Variants in ASTN2 observed in about 807,000 individuals in gnomAD.
ASTN2 encodes the protein astrotactin-2.
ASTN2 carries 54 observed loss-of-function variants against 139.8 expected under a neutral mutation model. The ratio of observed to expected loss-of-function variants is 0.39; its 90% CI spans 0.31 to 0.48. ASTN2 has a LOEUF of 0.48. Ranked by LOEUF, ASTN2 falls within the 20% of genes least tolerant of loss-of-function variation. ASTN2 has a pLI of 0.95. For synonymous variants in ASTN2, 756 were observed against 719.5 expected, an observed-to-expected ratio of 1.05 and a Z score of -0.81; for missense variants, 1,565 against 1,725.1, an observed-to-expected ratio of 0.91 and a Z score of 1.64.
intron 2 of ASTN2, among the ~76,000 whole-genome samples, chr9:117,282,619 G>T (rs1834352478): frequency 7.4e-6 from 1 of 134,992 alleles, no homozygotes; most frequent in African/African-American, 4.0e-5. Flanking sequence ...CATGTGATGT[G>T]CTTTGGCCGA....
Position 116,677,313 on chromosome 9 carries a change from GA to G in ASTN2, c.2807-25521del, listed in dbSNP as rs997118189. Among the ~76,000 whole-genome samples the G allele has an allele frequency of 6.0e-3, 904 of 149,776 alleles. 12 individuals are homozygous for G. Among genetic ancestry groups the G allele is most frequent in the African/African-American group, 0.021 (870 of 40,878 alleles). ...AGGAGGCACCATAGACCCTGTTTTG[GA>G]AAAAAAAACCTCTGTTTTCTTCATT... On this transcript the variant is annotated intron_variant, in intron 16 of 22. Transcript: ENST00000313400.
At chr9:116,578,770 GA>G (rs59722919) in intron 19 of ASTN2, among the ~76,000 whole-genome samples, 21 of 146,614 alleles carry the variant, frequency 1.4e-4, no homozygotes, top group African/African-American at 2.3e-4. Flanking sequence ...TTTTCAAATG[GA>G]AAAAAAAAAT....
At chr9:117,004,643 C>T (rs1450147789) in intron 7 of ASTN2, among the ~76,000 whole-genome samples, 1 of 152,144 alleles carries the variant, frequency 6.6e-6, no homozygotes, top group African/African-American at 2.4e-5. Context: ...CTACACTGAG[C>T]ACTGAGACCT....
At chr9:116,759,828 G>C (rs956749281) in intron 13 of ASTN2, among the ~76,000 whole-genome samples, 12 of 152,068 alleles carry the variant, frequency 7.9e-5, no homozygotes, top group African/African-American at 2.9e-4. Context: ...AATCTCTCTT[G>C]CTAACTGCTA....
intron 4 of ASTN2, among the ~76,000 whole-genome samples, chr9:117,123,898 C>T (rs1204283370): frequency 6.6e-6 from 1 of 152,162 alleles, no homozygotes; most frequent in Admixed American, 6.5e-5. Context: ...ATATTCTTTC[C>T]TCTCATCTCT....
At chr9:116,798,953 C>T (rs1405873361) in intron 13 of ASTN2, among the ~76,000 whole-genome samples, 1 of 152,018 alleles carries the variant, frequency 6.6e-6, no homozygotes, top group African/African-American at 2.4e-5. Context: ...ACATTCATTT[C>T]CTTTTATTCA....
intron 1 of ASTN2, among the ~76,000 whole-genome samples, chr9:117,354,041 G>A (rs1163282942): frequency 6.6e-6 from 1 of 152,114 alleles, no homozygotes; most frequent in Non-Finnish European, 1.5e-5. Context: ...TATGGACTTT[G>A]GGTGACAATG....
At chr9:117,146,424 C>G (rs1266898826) in intron 3 of ASTN2, among the ~76,000 whole-genome samples, 2 of 148,098 alleles carry the variant, frequency 1.4e-5, no homozygotes, top group Non-Finnish European at 3.0e-5. Context: ...GGTCCCCAAG[C>G]CAAGCTAGAG....
intron 16 of ASTN2, among the ~76,000 whole-genome samples, chr9:116,708,903 T>C (rs746854188): frequency 1.5e-4 from 23 of 152,220 alleles, no homozygotes; most frequent in Non-Finnish European, 3.4e-4. Context: ...GAGAGTCCTT[T>C]ACTTAAAGGC....
intron 4 of ASTN2, among the ~76,000 whole-genome samples, chr9:117,117,157 G>T (rs1451207041): frequency 6.6e-6 from 1 of 152,098 alleles, no homozygotes; most frequent in African/African-American, 2.4e-5. Context: ...TCATCTTTGG[G>T]ATGGGGTACC....
intron 2 of ASTN2, among the ~76,000 whole-genome samples, chr9:117,238,331 T>C (rs973034567): frequency 3.9e-5 from 6 of 152,240 alleles, no homozygotes; most frequent in African/African-American, 1.2e-4. Flanking sequence ...GGGATATAGG[T>C]AACCGAGACA....
chr9:116,427,892 C>A (rs1209735276), intron 22 of ASTN2, among the ~76,000 whole-genome samples: 1 of 152,246 alleles, frequency 6.6e-6, no homozygotes, highest in Admixed American at 6.5e-5. Flanking sequence ...TGAGTTCTGG[C>A]TTCATTCTTT....
intron 1 of ASTN2, among the ~76,000 whole-genome samples, chr9:117,305,167 T>C (rs1174482012): frequency 6.6e-6 from 1 of 152,224 alleles, no homozygotes; most frequent in African/African-American, 2.4e-5. Context: ...ATTCCACTCT[T>C]GTCTTTGCTC....
At chr9:116,559,373 G>C (rs1852795580) in intron 19 of ASTN2, among the ~76,000 whole-genome samples, 1 of 152,218 alleles carries the variant, frequency 6.6e-6, no homozygotes, top group Non-Finnish European at 1.5e-5. Flanking sequence ...TCTCTATGCA[G>C]AGTCCTATGC....
rs956592571 is a variant in ASTN2 at position 116,541,254 on chromosome 9, G to A, written c.3356-53754C>T. Among the ~76,000 whole-genome samples the A allele has an allele frequency of 2.6e-5, 4 of 151,956 alleles. No individual in the cohort carries two copies. The South Asian group carries it at 8.3e-4, about 32-fold the overall frequency. ...GTGATCATAGTAGGAAATTTAGGCG[G>A]GAAAGAGAAAATATAAATCTGCCAG... On this transcript the variant is annotated intron_variant, in intron 19 of 22. Transcript: ENST00000313400.
chr9:116,680,306 A>G (rs1438176444), intron 16 of ASTN2, among the ~76,000 whole-genome samples: 1 of 152,104 alleles, frequency 6.6e-6, no homozygotes, highest in Admixed American at 6.6e-5. Flanking sequence ...CACATACACC[A>G]TCCCAAGACT....
intron 11 of ASTN2, among the ~76,000 whole-genome samples, chr9:116,821,298 C>T (rs963470607): frequency 1.5e-4 from 23 of 152,154 alleles, no homozygotes; most frequent in African/African-American, 5.6e-4. Context: ...TCAATGTTCT[C>T]ATCTAATAAA....
At chr9:116,896,984 C>G (rs1170360239) in intron 10 of ASTN2, among the ~76,000 whole-genome samples, 2 of 152,158 alleles carry the variant, frequency 1.3e-5, no homozygotes, top group African/African-American at 2.4e-5. Flanking sequence ...TCGTTATGGT[C>G]TCTCTGAGAG....
intron 19 of ASTN2, among the ~76,000 whole-genome samples, chr9:116,493,171 C>A (rs1348696562): frequency 6.6e-6 from 1 of 152,052 alleles, no homozygotes; most frequent in Non-Finnish European, 1.5e-5. Context: ...AGAATCAAGC[C>A]CCACTGTCTT....
Sources: gnomAD v4.1 joint callset for allele counts (sites outside exome capture counted in the v4.1 genomes callset) on GRCh38, gnomAD v4.1.1 for gene constraint, MANE v1.5 for transcripts, NCBI Gene and HGNC (gene_info 2026-07-23, HGNC 2026-07-21) for gene names.